The following SCN11A variants were observed in gnomAD, a reference collection of about 807,000 sequenced individuals.
SCN11A encodes the protein sodium channel protein type 11 subunit alpha.
SCN11A carries 122 observed loss-of-function variants against 162.2 expected under a neutral mutation model. That is an observed-to-expected ratio of 0.75 (90% CI 0.65 to 0.87). The LOEUF (loss-of-function observed/expected upper bound fraction) is 0.87. SCN11A is among the 40% of genes least tolerant of loss of function. SCN11A has a pLI of 0.00. For synonymous variants in SCN11A, 758 were observed against 751.5 expected (o/e 1.01, Z -0.14); for missense variants, 2,015 against 2,181.6 (o/e 0.92, Z 1.52).
intron 2 of SCN11A, among the ~76,000 whole-genome samples, chr3:38,987,630 T>C (rs2030303720): frequency 6.6e-6 from 1 of 152,178 alleles, no homozygotes; most frequent in Non-Finnish European, 1.5e-5. Flanking sequence ...ACTTCATCCC[T>C]GAGGCGACCT....
intron 16 of SCN11A, 48 bp downstream of exon 16, chr3:38,903,817 C>T (rs773420208): frequency 3.0e-6 from 4 of 1,348,972 alleles, no homozygotes; most frequent in Non-Finnish European, 4.0e-6. Flanking sequence ...AAAAGTTATA[C>T]TTTAAAGTAT....
At position 38,951,985 on chromosome 3, in the gene SCN11A, C is replaced by A. The variant is rs565583197; in HGVS notation, c.-7-1616G>T. On this transcript the variant is annotated intron_variant, in intron 4 of 29. Coordinates refer to ENST00000302328, the MANE Select transcript of SCN11A (RefSeq NM_001349253.2). ...CCTTCCACACTGTGGAAGCTTTGTT[C>A]TTTTGCTCTTTGCAATAAATCTTGC... 3.0e-4 allele frequency among the ~76,000 whole-genome samples: 45 copies of A among 152,266 alleles called. No homozygotes were observed. In the East Asian group the frequency reaches 7.9e-3, roughly 27 times the overall value.
intron 2 of SCN11A, among the ~76,000 whole-genome samples, chr3:39,011,292 G>A (rs896276031): frequency 1.1e-4 from 17 of 152,232 alleles, no homozygotes; most frequent in African/African-American, 1.9e-4. Context: ...TTAAGTGAGG[G>A]CTTAAAGGCC....
intron 23 of SCN11A, among the ~76,000 whole-genome samples, chr3:38,873,297 A>G (rs1289496009): frequency 6.6e-6 from 1 of 152,174 alleles, no homozygotes; most frequent in African/African-American, 2.4e-5. Context: ...GCTCAGCTGG[A>G]TAGGAAGTGA....
chr3:39,034,792 A>G (rs1464461772), intron 1 of SCN11A, among the ~76,000 whole-genome samples: 4 of 152,214 alleles, frequency 2.6e-5, no homozygotes, highest in Non-Finnish European at 5.9e-5. Flanking sequence ...ATAAAAAATC[A>G]GTAGCATTCC....
Position 38,850,573 on chromosome 3 carries a change from T to C in SCN11A, c.4235A>G (p.Glu1412Gly), listed in dbSNP as rs2064759625. 1.2e-6 allele frequency: 2 copies of C among 1,613,912 alleles called. No individual in the cohort carries two copies. The highest frequency in any genetic ancestry group is 1.7e-6 in the Non-Finnish European group (2 of 1,179,838). Reference sequence around the variant, plus strand: ...CAAAGCAAAGATTTTGATGAGACATTCTAACGTAAAGATGACCACAAAGAC... The same window carrying C: ...CAAAGCAAAGATTTTGATGAGACATCCTAACGTAAAGATGACCACAAAGAC... The part of the protein sequence containing the change: ...NWVFVVIFTL[E>G]CLIKIFALRQ... Residue 1412 changes from glutamate (E) to glycine (G), a missense_variant, in exon 29 of 30, where the codon GAA becomes GGA. By Grantham distance (98) the Glu-to-Gly change is moderately conservative. Transcript: ENST00000302328.
intron 10 of SCN11A, among the ~76,000 whole-genome samples, chr3:38,920,378 A>C (rs991936964): frequency 3.9e-5 from 6 of 152,138 alleles, no homozygotes; most frequent in African/African-American, 1.4e-4. Context: ...CAACCTCAGC[A>C]TGGAGAGGGT....
intron 23 of SCN11A, among the ~76,000 whole-genome samples, chr3:38,875,799 A>G (rs542591668): frequency 6.6e-6 from 1 of 152,242 alleles, no homozygotes; most frequent in East Asian, 1.9e-4. Flanking sequence ...AGCGATCTAC[A>G]AATTCAATGC....
At chr3:38,893,980 C>T (rs899724598) in intron 19 of SCN11A, among the ~76,000 whole-genome samples, 6 of 152,108 alleles carry the variant, frequency 3.9e-5, no homozygotes, top group South Asian at 4.2e-4. Flanking sequence ...TTCAGAGCTG[C>T]GAGAAATAAA....
chr3:38,958,177 T>C (rs943569650), intron 3 of SCN11A, among the ~76,000 whole-genome samples: 1 of 152,234 alleles, frequency 6.6e-6, no homozygotes, highest in African/African-American at 2.4e-5. Context: ...CTGACCCACA[T>C]GTAGCCCCCC....
chr3:38,949,261 A>C (rs1020068807), intron 5 of SCN11A, among the ~76,000 whole-genome samples: 2 of 152,238 alleles, frequency 1.3e-5, no homozygotes, highest in African/African-American at 4.8e-5. Flanking sequence ...GCCTTTCCTG[A>C]AAGGGCCAAG....
rs748169973 is a variant in SCN11A at position 38,929,135 on chromosome 3, GCA to G, written c.489-2206_489-2205del. Reference sequence around the variant, plus strand: ...TGTCAAAAATACTGGGTCTGTGCACGCACACACACACACACACACACACACAC... The same window carrying G: ...TGTCAAAAATACTGGGTCTGTGCACGCACACACACACACACACACACACAC... On this transcript the variant is annotated intron_variant, in intron 7 of 29. Transcript: ENST00000302328. Among the ~76,000 whole-genome samples, 294 of 66,682 alleles carry G rather than the reference GCA, an allele frequency of 4.4e-3. 1 individual carries two copies. The East Asian group carries it at 0.049, about 11-fold the overall frequency. The allele number at this position is 66,682 out of a possible 152,430, so 43.7% of individuals were successfully genotyped here.
chr3:39,011,172 A>C (rs59940583), intron 2 of SCN11A, among the ~76,000 whole-genome samples: 21,541 of 152,216 alleles, frequency 0.14, 1,771 homozygotes, highest in African/African-American at 0.22. Context: ...GTTTACAGAA[A>C]GGGTTTTTAA....
At chr3:38,866,081 A>G (rs1401090116) in intron 27 of SCN11A, among the ~76,000 whole-genome samples, 2 of 152,212 alleles carry the variant, frequency 1.3e-5, no homozygotes. Flanking sequence ...AATTTTAAAA[A>G]TGGTCATAAT....
chr3:38,905,646 G>A (rs1007779917), intron 14 of SCN11A, among the ~76,000 whole-genome samples: 4 of 152,158 alleles, frequency 2.6e-5, no homozygotes. Context: ...CAATGGTTCC[G>A]GGTATGAAAG....
chr3:38,861,622 A>G (rs1322920418), intron 28 of SCN11A, among the ~76,000 whole-genome samples: 1 of 152,040 alleles, frequency 6.6e-6, no homozygotes, highest in African/African-American at 2.4e-5. Context: ...TGGCAAAGCA[A>G]ACAAACATAA....
intron 14 of SCN11A, among the ~76,000 whole-genome samples, chr3:38,907,096 C>A (rs554517565): frequency 6.6e-6 from 1 of 152,006 alleles, no homozygotes; most frequent in East Asian, 1.9e-4. Flanking sequence ...CTTCTGGGGA[C>A]CCTTTTCCAT....
At chr3:38,943,407 T>C (rs1323054829) in intron 7 of SCN11A, among the ~76,000 whole-genome samples, 1 of 152,170 alleles carries the variant, frequency 6.6e-6, no homozygotes, top group Non-Finnish European at 1.5e-5. Flanking sequence ...GTGGTTTATA[T>C]TGCATAATTA....
At chr3:38,875,221 G>A (rs1435910103) in intron 23 of SCN11A, among the ~76,000 whole-genome samples, 2 of 152,022 alleles carry the variant, frequency 1.3e-5, no homozygotes, top group African/African-American at 4.8e-5. Flanking sequence ...CTTTATCTGT[G>A]ATTTGCAAAG....
Sources: gnomAD v4.1 joint callset for allele counts (sites outside exome capture counted in the v4.1 genomes callset) on GRCh38, gnomAD v4.1.1 for gene constraint, MANE v1.5 for transcripts, NCBI Gene and HGNC (gene_info 2026-07-23, HGNC 2026-07-21) for gene names.